The following ANKHD1 variants were observed in gnomAD, a reference collection of about 807,000 sequenced individuals.
ANKHD1 encodes the protein ankyrin repeat and KH domain containing 1.
Under a neutral mutation model 230.5 loss-of-function variants are expected in ANKHD1, and 31 were observed. The observed-to-expected ratio is 0.13, with a 90% CI of 0.10 to 0.18. The LOEUF is 0.18. ANKHD1 is among the 10% of genes least tolerant of loss of function. The pLI, the probability that ANKHD1 is intolerant of heterozygous loss-of-function variation, is 1.00. For missense variants in ANKHD1, 2,256 were observed against 3,071.3 expected (o/e 0.73, Z 6.27); for synonymous variants, 1,074 against 1,117.6 (o/e 0.96, Z 0.78).
Position 140,528,589 on chromosome 5 carries a change from C to G in ANKHD1, c.5643C>G (p.Phe1881Leu). ...CCATGGCCCAGTTTGGAGGAACCTTCTCACCTTCTCCTAACACATGGGGAC... is the reference window on the plus strand; with the variant it reads ...CCATGGCCCAGTTTGGAGGAACCTTGTCACCTTCTCCTAACACATGGGGAC... ...RLPMAQFGGT[F>L]SPSPNTWGPF... The change falls in exon 29 of 34, where the codon TTC becomes TTG. Residue 1881 changes from phenylalanine to leucine, a missense_variant. Physicochemically the swap from Phe to Leu is conservative, Grantham distance 22. This residue lies in a region of ANKHD1 where 778 missense variants were observed against 966.5 expected (regional missense o/e 0.80). Transcript: ENST00000360839. 2 of 1,614,166 alleles carry G rather than the reference C, an allele frequency of 1.2e-6. No individual in the cohort carries two copies. Among genetic ancestry groups the G allele is most frequent in the East Asian group, 2.2e-5 (1 of 44,888 alleles).
chr5:140,492,568 C>G (rs1460291486), intron 14 of ANKHD1, among the ~76,000 whole-genome samples: 1 of 152,184 alleles, frequency 6.6e-6, no homozygotes, highest in Non-Finnish European at 1.5e-5. Context: ...AAACACTCTA[C>G]TACATTTGAT....
intron 1 of ANKHD1, among the ~76,000 whole-genome samples, chr5:140,432,100 C>T (rs902493066): frequency 2.6e-5 from 4 of 152,152 alleles, no homozygotes; most frequent in East Asian, 3.8e-4. Flanking sequence ...AGATATAATT[C>T]GTATGCCATA....
intron 29 of ANKHD1, among the ~76,000 whole-genome samples, chr5:140,533,264 A>C (rs1466444908): frequency 6.6e-6 from 1 of 152,116 alleles, no homozygotes; most frequent in Non-Finnish European, 1.5e-5. Flanking sequence ...CCTAGGCAGC[A>C]TAGTGGGACC....
intron 2 of ANKHD1, among the ~76,000 whole-genome samples, chr5:140,438,223 T>A (rs539291824): frequency 6.6e-6 from 1 of 152,274 alleles, no homozygotes; most frequent in South Asian, 2.1e-4. Context: ...AGAGGACAAA[T>A]TAATATTATG....
In ANKHD1 at chr5:140,512,220, C is replaced by T. The variant is rs1469483171; in HGVS notation, c.4105-608C>T. Among the ~76,000 whole-genome samples the T allele has an allele frequency of 2.1e-5, 3 of 146,096 alleles. No homozygotes were observed. In the East Asian group the frequency reaches 6.0e-4, roughly 29 times the overall value. Reference sequence around the variant, plus strand: ...CGTGGCACTCCAGCCGGGGCAACAACAGCGAGACTCCCATCTCAAAAAAAA... The same window carrying T: ...CGTGGCACTCCAGCCGGGGCAACAATAGCGAGACTCCCATCTCAAAAAAAA... On this transcript the variant is annotated intron_variant, in intron 22 of 33. Coordinates refer to ENST00000360839, the MANE Select transcript of ANKHD1 (RefSeq NM_017747.3).
intron 31 of ANKHD1, 90 bp downstream of exon 31, chr5:140,537,679 A>G: frequency 6.9e-7 from 1 of 1,450,602 alleles, no homozygotes; most frequent in Non-Finnish European, 9.1e-7. Context: ...AAAACAAACA[A>G]AAAAAACTTA....
intron 24 of ANKHD1, among the ~76,000 whole-genome samples, chr5:140,514,239 A>T (rs2127065359): frequency 6.6e-6 from 1 of 151,950 alleles, no homozygotes; most frequent in East Asian, 1.9e-4. Flanking sequence ...TCATGCCTGT[A>T]ATCCCAGCAC....
chr5:140,534,549 A>G (rs1182959813), intron 29 of ANKHD1, among the ~76,000 whole-genome samples: 1 of 152,242 alleles, frequency 6.6e-6, no homozygotes, highest in Non-Finnish European at 1.5e-5. Flanking sequence ...AATGAATTAT[A>G]TACTTTAAAT....
intron 15 of ANKHD1, among the ~76,000 whole-genome samples, chr5:140,501,602 T>G (rs1752306861): frequency 6.6e-6 from 1 of 151,786 alleles, no homozygotes; most frequent in Admixed American, 6.6e-5. Context: ...ACAAAAAAAT[T>G]AGCCAGGCAT....
chr5:140,430,130 T>G (rs1772921753), intron 1 of ANKHD1, among the ~76,000 whole-genome samples: 1 of 152,216 alleles, frequency 6.6e-6, no homozygotes, highest in South Asian at 2.1e-4. Context: ...GTTTTTTGTT[T>G]TTAAGGCAAG....
At chr5:140,505,261 A>C (rs1407645849) in intron 17 of ANKHD1, 28 bp downstream of exon 17, 3 of 1,611,924 alleles carry the variant, frequency 1.9e-6, no homozygotes, top group Non-Finnish European at 2.5e-6. Flanking sequence ...ATAAAATCCA[A>C]GTGTAGTTAC....
chr5:140,439,016 A>G (rs1402159922), intron 3 of ANKHD1, among the ~76,000 whole-genome samples: 1 of 152,212 alleles, frequency 6.6e-6, no homozygotes, highest in African/African-American at 2.4e-5. Flanking sequence ...AATATGGTCC[A>G]TGGACTGGCA....
chr5:140,418,156 T>C (rs111777929), intron 1 of ANKHD1, among the ~76,000 whole-genome samples: 29,030 of 148,962 alleles, frequency 0.19, 3,284 homozygotes, highest in East Asian at 0.29. Context: ...TTTTTTTTTT[T>C]TTTTTTTTGA....
chr5:140,537,913 C>T (rs932641043), intron 31 of ANKHD1, among the ~76,000 whole-genome samples, 173 bp from the exon 32 acceptor site: 3 of 152,006 alleles, frequency 2.0e-5, no homozygotes, highest in Admixed American at 2.0e-4. Flanking sequence ...AGGACTTTAC[C>T]TAGTTTTTCA....
chr5:140,405,098 T>G (rs1318997247), intron 1 of ANKHD1, among the ~76,000 whole-genome samples: 1 of 152,020 alleles, frequency 6.6e-6, no homozygotes, highest in Admixed American at 6.6e-5. Context: ...TGAAGCTTAT[T>G]GTAGAAGTCA....
rs145972958 is a variant in ANKHD1, at chr5:140,508,701, A to C, written c.3765+703A>C. ...AACTTGGGAGGTGGAGGTTGCACTG[A>C]GCAGAGATCACGCCATTGCACTCCA... On this transcript the variant is annotated intron_variant, in intron 20 of 33. Coordinates refer to ENST00000360839, the MANE Select transcript of ANKHD1 (RefSeq NM_017747.3). Among the ~76,000 whole-genome samples, 394 of 152,066 alleles carry C rather than the reference A, an allele frequency of 2.6e-3. 3 individuals carry two copies. Among genetic ancestry groups the C allele is most frequent in the African/African-American group, 9.2e-3 (380 of 41,490 alleles).
chr5:140,475,159 A>G (rs1299715716), intron 10 of ANKHD1, among the ~76,000 whole-genome samples: 1 of 152,186 alleles, frequency 6.6e-6, no homozygotes, highest in Non-Finnish European at 1.5e-5. Context: ...ATAAGTACAA[A>G]TGACTTCAGT....
At chr5:140,486,861 T>C (rs1287991578) in intron 13 of ANKHD1, 97 bp from the exon 14 acceptor site, 9 of 1,221,660 alleles carry the variant, frequency 7.4e-6, no homozygotes, top group African/African-American at 1.5e-5. Flanking sequence ...CATTTGGTGG[T>C]ATATGAAGAT....
chr5:140,446,113 T>C lies in ANKHD1; in HGVS notation c.1147+138T>C, dbSNP rs1362904141. On this transcript the variant is annotated intron_variant, in intron 6 of 33. Transcript: ENST00000360839. Reference sequence around the variant, plus strand: ...ATTATCTAGTTTATAAGAAATTATATAGAAAGTCTATTTTAGTCTATATTG... The same window carrying C: ...ATTATCTAGTTTATAAGAAATTATACAGAAAGTCTATTTTAGTCTATATTG... 6 of 867,260 alleles carry C rather than the reference T, an allele frequency of 6.9e-6. No individual in the cohort carries two copies. In the Admixed American group the frequency reaches 1.9e-4, roughly 27 times the overall value. 53.7% of individuals were successfully genotyped at this position (867,260 alleles called of 1,614,324 possible). A position where few individuals can be genotyped will look rare whatever the true frequency, so the allele number is the denominator to read the frequency against.
Sources: allele counts gnomAD v4.1 joint callset (sites outside exome capture counted in the v4.1 genomes callset), GRCh38; gene constraint gnomAD v4.1.1; regional missense constraint gnomAD v4.1.1; transcripts MANE v1.5; gene names NCBI Gene and HGNC (gene_info 2026-07-23, HGNC 2026-07-21).